The following TES variants were observed in gnomAD, a reference collection of about 807,000 sequenced individuals.
TES encodes testin LIM domain protein.
A neutral mutation model predicts 48.2 loss-of-function variants in TES; 41 were observed. The observed-to-expected ratio is 0.85, with a 90% CI of 0.66 to 1.10. The LOEUF (loss-of-function observed/expected upper bound fraction) is 1.10, where lower values mean the gene tolerates loss of function less well. Ranked by LOEUF, TES falls within the 50% of genes least tolerant of loss-of-function variation. The pLI, the probability that TES is intolerant of heterozygous loss-of-function variation, is 0.00. For synonymous variants in TES, 162 were observed against 174.9 expected (o/e 0.93, Z 0.58); for missense variants, 463 against 515.1 (o/e 0.90, Z 0.98).
chr7:116,227,990 T>A (rs1799644754), intron 1 of TES, among the ~76,000 whole-genome samples: 1 of 149,816 alleles, frequency 6.7e-6, no homozygotes, highest in South Asian at 2.1e-4. Flanking sequence ...ATACCAGATG[T>A]TCCATAGTCT....
At chr7:116,228,616 T>C (rs1799654722) in intron 1 of TES, among the ~76,000 whole-genome samples, 1 of 152,180 alleles carries the variant, frequency 6.6e-6, no homozygotes, top group Non-Finnish European at 1.5e-5. Context: ...CTTAAGTCTT[T>C]TGTTTCCTAT....
chr7:116,220,456 C>T (rs1348728351), intron 1 of TES, among the ~76,000 whole-genome samples: 1 of 152,138 alleles, frequency 6.6e-6, no homozygotes, highest in African/African-American at 2.4e-5. Context: ...TTGGATCCCA[C>T]CTTTGATATT....
intron 2 of TES, among the ~76,000 whole-genome samples, chr7:116,241,275 C>T (rs1158208284): frequency 6.6e-6 from 1 of 152,164 alleles, no homozygotes; most frequent in East Asian, 1.9e-4. Flanking sequence ...ATATAAAACA[C>T]TGTAGATTAG....
intron 2 of TES, among the ~76,000 whole-genome samples, chr7:116,247,806 CT>C (rs1316002510): frequency 2.0e-5 from 3 of 152,258 alleles, no homozygotes; most frequent in Admixed American, 1.3e-4. Context: ...CTGCTTTCCT[CT>C]TTTTTTCACC....
chr7:116,242,095 A>G (rs1035160201), intron 2 of TES, among the ~76,000 whole-genome samples: 14 of 152,204 alleles, frequency 9.2e-5, no homozygotes, highest in African/African-American at 3.4e-4. Flanking sequence ...AAAATTTCCA[A>G]AGTCCAGTGT....
chr7:116,215,864 A>G (rs1584608088), intron 1 of TES, among the ~76,000 whole-genome samples: 2 of 152,286 alleles, frequency 1.3e-5, no homozygotes, highest in East Asian at 3.9e-4. Context: ...CCAGACAGCT[A>G]AGAATGGAGC....
intron 2 of TES, among the ~76,000 whole-genome samples, chr7:116,238,540 A>G (rs1316713630): frequency 1.3e-5 from 2 of 151,904 alleles, no homozygotes; most frequent in African/African-American, 2.4e-5. Flanking sequence ...ACAAATTACT[A>G]CAAACTTTGC....
intron 2 of TES, among the ~76,000 whole-genome samples, chr7:116,245,032 G>A (rs972881332): frequency 3.3e-5 from 5 of 152,120 alleles, no homozygotes; most frequent in African/African-American, 9.7e-5. Context: ...CGTGGTCCAC[G>A]ACAGCATTTT....
chr7:116,229,028 ATATAT>A lies in TES; in HGVS notation c.28-5505_28-5501del, dbSNP rs1563007780. Among the ~76,000 whole-genome samples the A allele has an allele frequency of 4.2e-3, 502 of 118,590 alleles. 16 individuals are homozygous for A. The highest frequency in any genetic ancestry group is 0.032 in the East Asian group (128 of 4,026). 77.8% of individuals were successfully genotyped at this position (118,590 alleles called of 152,430 possible). A position where few individuals can be genotyped will look rare whatever the true frequency, so the allele number is the denominator to read the frequency against. Reference sequence around the variant, plus strand: ...TATATATATATATATATATATATATATATATAATCATTTCCTTAATATTTGGTAAT... The same window carrying A: ...TATATATATATATATATATATATATAAATCATTTCCTTAATATTTGGTAAT... On this transcript the variant is annotated intron_variant, in intron 1 of 6. Transcript: ENST00000358204.
At chr7:116,214,951 G>C (rs370846432) in intron 1 of TES, among the ~76,000 whole-genome samples, 5 of 152,102 alleles carry the variant, frequency 3.3e-5, no homozygotes, top group African/African-American at 9.6e-5. Context: ...TAACACTTAG[G>C]ACACTAATCA....
In TES at chr7:116,229,033, T is replaced by TATATAA. The variant is rs1417517023; in HGVS notation, c.28-5500_28-5499insTATAAA. On this transcript the variant is annotated intron_variant, in intron 1 of 6. Transcript: ENST00000358204. ...ATATATATATATATATATATATATA[T>TATATAA]AATCATTTCCTTAATATTTGGTAAT... Among the ~76,000 whole-genome samples, 460 of 115,336 alleles carry TATATAA rather than the reference T, an allele frequency of 4.0e-3. 6 individuals carry two copies. Among genetic ancestry groups the TATATAA allele is most frequent in the Middle Eastern group, 8.8e-3 (2 of 226 alleles). The allele number at this position is 115,336 out of a possible 152,430, so 75.7% of individuals were successfully genotyped here.
At chr7:116,218,080 C>T (rs999141281) in intron 1 of TES, 78 of 388,078 alleles carry the variant, frequency 2.0e-4, no homozygotes, top group African/African-American at 1.5e-3. Flanking sequence ...AGTGGGAGAG[C>T]GTTATTAGAA....
intron 1 of TES, among the ~76,000 whole-genome samples, chr7:116,214,879 G>A (rs1280412954): frequency 6.6e-6 from 1 of 151,956 alleles, no homozygotes; most frequent in East Asian, 1.9e-4. Flanking sequence ...CTTTCTCCAT[G>A]CTGCCACCTA....
chr7:116,243,170 A>G (rs1584623779), intron 2 of TES, among the ~76,000 whole-genome samples: 1 of 152,248 alleles, frequency 6.6e-6, no homozygotes, highest in East Asian at 1.9e-4. Flanking sequence ...TTTAAACTAT[A>G]AATTATTTAG....
At chr7:116,255,765 T>C (rs1800089967) in intron 6 of TES, among the ~76,000 whole-genome samples, 1 of 152,206 alleles carries the variant, frequency 6.6e-6, no homozygotes, top group Non-Finnish European at 1.5e-5. Context: ...AAGACTGTTC[T>C]TATCACAAGG....
At chr7:116,227,603 T>C (rs1010099842) in intron 1 of TES, among the ~76,000 whole-genome samples, 2 of 152,240 alleles carry the variant, frequency 1.3e-5, no homozygotes, top group Non-Finnish European at 2.9e-5. Flanking sequence ...TATTTAGATA[T>C]GTAGTTCCTT....
At chr7:116,218,335 C>T (rs1799517991) in intron 1 of TES, among the ~76,000 whole-genome samples, 1 of 152,110 alleles carries the variant, frequency 6.6e-6, no homozygotes, top group African/African-American at 2.4e-5. Context: ...GCAGAAATGC[C>T]TTGATAAGGA....
intron 1 of TES, among the ~76,000 whole-genome samples, chr7:116,221,664 C>T (rs989008958): frequency 6.6e-6 from 1 of 152,178 alleles, no homozygotes; most frequent in Non-Finnish European, 1.5e-5. Context: ...CTCTGAATTA[C>T]TCTCATATTC....
intron 2 of TES, among the ~76,000 whole-genome samples, chr7:116,247,978 C>T (rs535305324): frequency 1.4e-3 from 215 of 152,282 alleles, no homozygotes; most frequent in Middle Eastern, 6.8e-3. Context: ...ACCCTCCCCA[C>T]TCTAATATTC....
Sources: allele counts gnomAD v4.1 joint callset (sites outside exome capture counted in the v4.1 genomes callset), GRCh38; gene constraint gnomAD v4.1.1; transcripts MANE v1.5; gene names NCBI Gene and HGNC (gene_info 2026-07-23, HGNC 2026-07-21).